Variants in DDX10 observed in about 807,000 individuals in gnomAD.
The protein encoded by DDX10 is DEAD-box helicase 10, also known as probable ATP-dependent RNA helicase DDX10.
DDX10 carries 74 observed loss-of-function variants against 104.3 expected under a neutral mutation model. That is an observed-to-expected ratio of 0.71 (90% CI 0.59 to 0.86). The LOEUF (loss-of-function observed/expected upper bound fraction) is 0.86. Among genes scored for constraint, DDX10 ranks in the 40% least tolerant of loss-of-function variants. The pLI, the probability that DDX10 is intolerant of heterozygous loss-of-function variation, is 0.00. For synonymous variants in DDX10, 351 were observed against 353.4 expected (o/e 0.99, Z 0.08); for missense variants, 952 against 1,040.0 (o/e 0.92, Z 1.16).
rs118169358 is a variant in DDX10, at chr11:108,745,844, T to C, written c.1965+22382T>C. Among the ~76,000 whole-genome samples the C allele has an allele frequency of 3.2e-4, 49 of 152,328 alleles. No homozygotes were observed. The East Asian group carries it at 8.5e-3, about 26-fold the overall frequency. On this transcript the variant is annotated intron_variant, in intron 13 of 17. Coordinates refer to ENST00000322536, the MANE Select transcript of DDX10 (RefSeq NM_004398.4). ...ACATAGGGTTAGATATGTTGAAAATTAGTGCATCATGTTATTCCATTGTTT... is the reference window on the plus strand; with the variant it reads ...ACATAGGGTTAGATATGTTGAAAATCAGTGCATCATGTTATTCCATTGTTT...
intron 13 of DDX10, among the ~76,000 whole-genome samples, chr11:108,775,517 A>G (rs189919077): frequency 6.0e-4 from 92 of 152,338 alleles, no homozygotes; most frequent in African/African-American, 2.2e-3. Flanking sequence ...CTGTTTGATT[A>G]ATTGCATCAT....
intron 16 of DDX10, among the ~76,000 whole-genome samples, chr11:108,870,819 G>A (rs766080071): frequency 6.6e-6 from 1 of 152,150 alleles, no homozygotes; most frequent in Non-Finnish European, 1.5e-5. Context: ...TCTGTTCACT[G>A]CTGAATCACC....
At chr11:108,832,839 T>C (rs1270989902) in intron 13 of DDX10, among the ~76,000 whole-genome samples, 1 of 152,252 alleles carries the variant, frequency 6.6e-6, no homozygotes, top group Non-Finnish European at 1.5e-5. Flanking sequence ...ATAGATATAA[T>C]CAAGGCTTTT....
At chr11:108,833,649 A>C (rs571893108) in intron 13 of DDX10, among the ~76,000 whole-genome samples, 4 of 152,236 alleles carry the variant, frequency 2.6e-5, no homozygotes, top group Admixed American at 2.6e-4. Context: ...TAAAAGGCAG[A>C]GATGCAAATA....
Position 108,759,474 on chromosome 11 carries a change from T to A in DDX10, c.1965+36012T>A, listed in dbSNP as rs187932967. Among the ~76,000 whole-genome samples the A allele has an allele frequency of 2.2e-3, 337 of 152,156 alleles. 3 individuals carry two copies. The highest frequency in any genetic ancestry group is 7.6e-3 in the African/African-American group (316 of 41,542). On this transcript the variant is annotated intron_variant, in intron 13 of 17. Coordinates refer to ENST00000322536, the MANE Select transcript of DDX10 (RefSeq NM_004398.4). ...CTCCAGGGGTGTTGTTTGGTATTAG[T>A]GTAGTTTTCAATACTCCACTGAACT...
chr11:108,760,819 G>C (rs1565270274), intron 13 of DDX10, among the ~76,000 whole-genome samples: 1 of 151,716 alleles, frequency 6.6e-6, no homozygotes. Flanking sequence ...AATTGTTTAT[G>C]CTGTTCTCAA....
chr11:108,689,126 A>C, intron 7 of DDX10, 64 bp downstream of exon 7: 1 of 1,517,208 alleles, frequency 6.6e-7, no homozygotes, highest in East Asian at 2.3e-5. Flanking sequence ...TGGCAAATCA[A>C]TTAGACAAAT....
chr11:108,884,801 C>T (rs1863273170), intron 16 of DDX10, among the ~76,000 whole-genome samples: 1 of 152,190 alleles, frequency 6.6e-6, no homozygotes, highest in Admixed American at 6.5e-5. Context: ...GATTTTCCCC[C>T]TTAACTTCAG....
chr11:108,691,744 A>T, intron 7 of DDX10, 132 bp from the exon 8 acceptor site: 1 of 603,522 alleles, frequency 1.7e-6, no homozygotes, highest in Non-Finnish European at 2.6e-6. Context: ...GAGTTTCTTT[A>T]CTTTTTTTAC....
chr11:108,689,145 T>C, intron 7 of DDX10, 83 bp downstream of exon 7: 2 of 1,453,672 alleles, frequency 1.4e-6, no homozygotes, highest in Non-Finnish European at 1.9e-6. Context: ...ATTATTATAT[T>C]GTACGAGAAG....
At chr11:108,756,971 A>G (rs1052613846) in intron 13 of DDX10, among the ~76,000 whole-genome samples, 7 of 152,070 alleles carry the variant, frequency 4.6e-5, no homozygotes, top group African/African-American at 1.2e-4. Flanking sequence ...CTGACACACA[A>G]TCTTTCCTGA....
intron 9 of DDX10, among the ~76,000 whole-genome samples, chr11:108,701,558 G>A (rs1469908245): frequency 1.3e-5 from 2 of 151,526 alleles, no homozygotes; most frequent in East Asian, 3.9e-4. Flanking sequence ...ATAAGAAAAT[G>A]TAGTAAATAG....
chr11:108,774,787 G>A (rs2726883), intron 13 of DDX10, among the ~76,000 whole-genome samples: 18,625 of 152,058 alleles, frequency 0.12, 1,559 homozygotes, highest in East Asian at 0.27. Context: ...GTTTCATACC[G>A]TTCTCCGGTA....
At chr11:108,846,463 C>G (rs1158206301) in intron 15 of DDX10, among the ~76,000 whole-genome samples, 1 of 152,188 alleles carries the variant, frequency 6.6e-6, no homozygotes, top group Admixed American at 6.5e-5. Flanking sequence ...AACCACCATT[C>G]TACGCTCTAC....
intron 15 of DDX10, among the ~76,000 whole-genome samples, chr11:108,846,041 A>G (rs1304199977): frequency 3.3e-5 from 5 of 152,210 alleles, no homozygotes; most frequent in Non-Finnish European, 7.3e-5. Flanking sequence ...ATAATTTCTA[A>G]TGTGATTCAA....
Position 108,665,285 on chromosome 11 carries a change from C to T in DDX10, c.132C>T (p.Pro44=), listed in dbSNP as rs747682050. The change falls in exon 1 of 18, where the codon CCC becomes CCT. Residue 44 remains proline (P), a synonymous_variant. Coordinates refer to ENST00000322536, the MANE Select transcript of DDX10 (RefSeq NM_004398.4). ...AGTTGAGGAAGCAACTGAAGAAACC[C>T]GAATGGCAGGTCGAGCGCGAGAGTA... ...KKQLRKQLKK[P]EWQVERESIS... is the part of the protein sequence containing the mutation. 2.5e-6 allele frequency: 4 copies of T among 1,606,980 alleles called. No homozygotes were observed. The Admixed American group carries it at 6.8e-5, about 27-fold the overall frequency.
chr11:108,840,492 CCT>C (rs1862622125), intron 14 of DDX10, among the ~76,000 whole-genome samples: 1 of 152,106 alleles, frequency 6.6e-6, no homozygotes, highest in Non-Finnish European at 1.5e-5. Flanking sequence ...GTCAAATAAA[CCT>C]CTGTTTTTCT....
chr11:108,750,560 T>G (rs941769343), intron 13 of DDX10, among the ~76,000 whole-genome samples: 2 of 152,126 alleles, frequency 1.3e-5, no homozygotes, highest in Non-Finnish European at 2.9e-5. Context: ...ATAATGTCTA[T>G]GGGGCCCTTC....
At chr11:108,705,335 A>AGG (rs1428440513) in intron 9 of DDX10, among the ~76,000 whole-genome samples, 1 of 152,162 alleles carries the variant, frequency 6.6e-6, no homozygotes, top group Admixed American at 6.5e-5. Context: ...AATACTGCCT[A>AGG]GGGGGACAGC....
Sources: allele counts gnomAD v4.1 joint callset (sites outside exome capture counted in the v4.1 genomes callset), GRCh38; gene constraint gnomAD v4.1.1; transcripts MANE v1.5; gene names NCBI Gene and HGNC (gene_info 2026-07-23, HGNC 2026-07-21).